The following MAP3K5 variants were observed in gnomAD, a reference collection of about 807,000 sequenced individuals.
The protein encoded by MAP3K5 is ASK-1.
In MAP3K5, 56 loss-of-function variants were observed where a neutral mutation model predicts 158.7. That is an observed-to-expected ratio of 0.35 (90% CI 0.28 to 0.44). The LOEUF is 0.44. MAP3K5 is among the 20% of genes least tolerant of loss of function. MAP3K5 has a pLI of 1.00. For missense variants in MAP3K5, 1,294 were observed against 1,674.8 expected (o/e 0.77, Z 3.97); for synonymous variants, 579 against 601.7 (o/e 0.96, Z 0.55).
At chr6:136,644,222 G>A (rs1338857335) in intron 11 of MAP3K5, among the ~76,000 whole-genome samples, 2 of 152,184 alleles carry the variant, frequency 1.3e-5, no homozygotes, top group Non-Finnish European at 2.9e-5. Context: ...CTGAAAGGTT[G>A]CCAGTGCTGC....
intron 2 of MAP3K5, among the ~76,000 whole-genome samples, chr6:136,717,021 G>A (rs1781559489): frequency 6.6e-6 from 1 of 151,898 alleles, no homozygotes; most frequent in Admixed American, 6.6e-5. Context: ...AGCCAGGCAT[G>A]GTGGCACGTG....
chr6:136,738,597 C>T (rs1224215415), intron 1 of MAP3K5, among the ~76,000 whole-genome samples: 1 of 152,138 alleles, frequency 6.6e-6, no homozygotes, highest in Non-Finnish European at 1.5e-5. Context: ...ATGAGGAGCA[C>T]AAAATGCAGA....
intron 1 of MAP3K5, among the ~76,000 whole-genome samples, chr6:136,756,697 T>C (rs1783506163): frequency 6.6e-6 from 1 of 152,216 alleles, no homozygotes; most frequent in Non-Finnish European, 1.5e-5. Flanking sequence ...GGTCATACTA[T>C]TGGATGCTTA....
At chr6:136,667,729 T>C (rs1303016202) in intron 8 of MAP3K5, among the ~76,000 whole-genome samples, 2 of 151,516 alleles carry the variant, frequency 1.3e-5, no homozygotes, top group Admixed American at 1.3e-4. Context: ...TATATGCCTG[T>C]AGTCTCAGCT....
At chr6:136,691,880 C>T (rs1406035802) in intron 7 of MAP3K5, among the ~76,000 whole-genome samples, 1 of 152,038 alleles carries the variant, frequency 6.6e-6, no homozygotes. Context: ...TATTTTCACC[C>T]ATTATGTTCA....
intron 7 of MAP3K5, among the ~76,000 whole-genome samples, chr6:136,678,737 TC>T (rs1419200035): frequency 1.3e-5 from 2 of 152,050 alleles, no homozygotes; most frequent in Non-Finnish European, 2.9e-5. Context: ...ATTTTTTTTT[TC>T]TTCTTGAGAT....
At chr6:136,627,845 C>T (rs1777114827) in intron 14 of MAP3K5, among the ~76,000 whole-genome samples, 1 of 152,188 alleles carries the variant, frequency 6.6e-6, no homozygotes. Flanking sequence ...CAAGACAATG[C>T]CCTTCAAGAT....
Position 136,710,910 on chromosome 6 carries a change from C to T in MAP3K5, c.589-5777G>A, listed in dbSNP as rs150649477. Among the ~76,000 whole-genome samples, 337 of 152,282 alleles carry T rather than the reference C, an allele frequency of 2.2e-3. 4 individuals are homozygous for T. Among genetic ancestry groups the T allele is most frequent in the Admixed American group, 0.018 (280 of 15,302 alleles). On this transcript the variant is annotated intron_variant, in intron 2 of 29. Transcript: ENST00000359015. Reference sequence around the variant, plus strand: ...GAAGAATAATCCCTATACTCCTCAGCTCCATCTTCTTAACTCATTTCAATG... The same window carrying T: ...GAAGAATAATCCCTATACTCCTCAGTTCCATCTTCTTAACTCATTTCAATG...
intron 1 of MAP3K5, among the ~76,000 whole-genome samples, chr6:136,726,737 A>G (rs565327431): frequency 2.4e-4 from 36 of 152,192 alleles, no homozygotes; most frequent in Non-Finnish European, 4.7e-4. Flanking sequence ...GCTACTATAG[A>G]TAGTACTGTT....
chr6:136,558,240 G>C (rs1031447002), intron 29 of MAP3K5, among the ~76,000 whole-genome samples: 2 of 152,114 alleles, frequency 1.3e-5, no homozygotes, highest in Non-Finnish European at 2.9e-5. Context: ...TTAGCTGGGC[G>C]TGGTGGTGGG....
At chr6:136,681,712 C>T (rs767033835) in intron 7 of MAP3K5, among the ~76,000 whole-genome samples, 13 of 152,186 alleles carry the variant, frequency 8.5e-5, no homozygotes, top group East Asian at 3.9e-4. Flanking sequence ...GTCAGGAGAT[C>T]GAGGCCATCC....
At chr6:136,758,971 G>A (rs1374855243) in intron 1 of MAP3K5, among the ~76,000 whole-genome samples, 1 of 152,138 alleles carries the variant, frequency 6.6e-6, no homozygotes, top group African/African-American at 2.4e-5. Flanking sequence ...CCAGAAGTTT[G>A]CGACCAGCCT....
chr6:136,672,723 T>C (rs1206182574), intron 7 of MAP3K5, among the ~76,000 whole-genome samples: 2 of 151,990 alleles, frequency 1.3e-5, no homozygotes, highest in Non-Finnish European at 2.9e-5. Flanking sequence ...CATTTTGGGC[T>C]GGGTGCACTG....
chr6:136,792,089 G>A lies in MAP3K5; in HGVS notation c.69C>T (p.Thr23=), dbSNP rs1482420118. 1.5e-5 allele frequency: 23 copies of A among 1,580,800 alleles called. No individual in the cohort carries two copies. Among genetic ancestry groups the A allele is most frequent in the Non-Finnish European group, 2.0e-5 (23 of 1,167,426 alleles). The change falls in exon 1 of 30, where the codon ACC becomes ACT. Residue 23 remains threonine, a synonymous_variant. Transcript: ENST00000359015. The surrounding 1 kb of genome is among the most constrained non-coding windows in gnomAD (Gnocchi z 5.7). ...TCCTGCAGATGCCGCCCTCGGGGAT[G>A]GTGCAGAAGCCCGAGGGGGCGAAGG... The part of the protein sequence containing the change: ...VPPFAPSGFC[T]IPEGGICRRG...
At chr6:136,646,377 T>C (rs915945203) in intron 11 of MAP3K5, among the ~76,000 whole-genome samples, 5 of 152,214 alleles carry the variant, frequency 3.3e-5, no homozygotes, top group Non-Finnish European at 7.3e-5. Context: ...ATTGTCTCTA[T>C]GATTGTCACA....
intron 7 of MAP3K5, among the ~76,000 whole-genome samples, chr6:136,691,957 A>C (rs1206587957): frequency 1.3e-5 from 2 of 151,930 alleles, no homozygotes; most frequent in Non-Finnish European, 2.9e-5. Flanking sequence ...GGTAATTCTA[A>C]ACTCTGTTTT....
intron 14 of MAP3K5, among the ~76,000 whole-genome samples, chr6:136,629,766 CATTTATTTATTTATTTATTTATTT>C (rs56675510): frequency 4.7e-5 from 7 of 148,138 alleles, no homozygotes; most frequent in African/African-American, 7.6e-5. Context: ...ATCTCACCTT[CATTTATTTATTTATTTATTTATTT>C]ATTTATTTAT....
rs763080624 is a variant in MAP3K5 at position 136,734,083 on chromosome 6, G to A, written c.449-13494C>T. 2.6e-5 allele frequency among the ~76,000 whole-genome samples: 4 copies of A among 152,162 alleles called. No individual in the cohort carries two copies. In the Middle Eastern group the frequency reaches 0.01, roughly 388 times the overall value. On this transcript the variant is annotated intron_variant, in intron 1 of 29. Transcript: ENST00000359015. ...AGAAATGTATAAGTCAAAATGAACCGTAAAGTTTATTATGTGACAGGGACA... is the reference window on the plus strand; with the variant it reads ...AGAAATGTATAAGTCAAAATGAACCATAAAGTTTATTATGTGACAGGGACA...
At chr6:136,611,459 C>G in intron 17 of MAP3K5, 72 bp from the exon 18 acceptor site, 1 of 794,686 alleles carries the variant, frequency 1.3e-6, no homozygotes, top group South Asian at 1.9e-5. Context: ...CTTGGTAAGT[C>G]CAATTTAAAA....
Sources: gnomAD v4.1 joint callset for allele counts (sites outside exome capture counted in the v4.1 genomes callset) on GRCh38, gnomAD v4.1.1 for gene constraint, Gnocchi (gnomAD v3.1) non-coding constraint, MANE v1.5 for transcripts, NCBI Gene and HGNC (gene_info 2026-07-23, HGNC 2026-07-21) for gene names.